PTPRG: variants seen among roughly 807,000 people sequenced by gnomAD.
PTPRG encodes the protein protein tyrosine phosphatase receptor type G.
Under a neutral mutation model 165.3 loss-of-function variants are expected in PTPRG, and 102 were observed. The observed-to-expected ratio is 0.62, with a 90% CI of 0.53 to 0.73. The LOEUF is 0.73. PTPRG is among the 30% of genes least tolerant of loss of function. The pLI is 0.00. For synonymous variants in PTPRG, 675 were observed against 669.5 expected, an observed-to-expected ratio of 1.01 and a Z score of -0.13; for missense variants, 1,866 against 1,861.4, an observed-to-expected ratio of 1.00 and a Z score of -0.05.
At chr3:61,854,117 T>G (rs544393243) in intron 2 of PTPRG, among the ~76,000 whole-genome samples, 3 of 152,250 alleles carry the variant, frequency 2.0e-5, no homozygotes, top group Non-Finnish European at 2.9e-5. Flanking sequence ...AGCAAGAGAA[T>G]GAGATCTCTT....
At chr3:61,613,429 C>T (rs2106878234) in intron 1 of PTPRG, among the ~76,000 whole-genome samples, 1 of 152,280 alleles carries the variant, frequency 6.6e-6, no homozygotes, top group South Asian at 2.1e-4. Flanking sequence ...ACTGCTGTCA[C>T]AATTAAAGAA....
intron 2 of PTPRG, among the ~76,000 whole-genome samples, chr3:61,922,059 T>G (rs2039089871): frequency 6.6e-6 from 1 of 152,226 alleles, no homozygotes; most frequent in Non-Finnish European, 1.5e-5. Flanking sequence ...TTAGTCAACA[T>G]TTTGCAGCTT....
intron 4 of PTPRG, among the ~76,000 whole-genome samples, chr3:62,047,684 T>C (rs1161822120): frequency 6.6e-6 from 1 of 152,204 alleles, no homozygotes; most frequent in Non-Finnish European, 1.5e-5. Flanking sequence ...TAATACGCAT[T>C]TTCCCCTCTC....
In PTPRG at chr3:61,928,661, A is replaced by G. The variant is rs368556326; in HGVS notation, c.191-60964A>G. Among the ~76,000 whole-genome samples, 23 of 152,212 alleles carry G rather than the reference A, an allele frequency of 1.5e-4. No individual in the cohort carries two copies. The East Asian group carries it at 3.9e-3, about 26-fold the overall frequency. ...ATACTATGCTTTTAAGAAGACAAAA[A>G]CACTGGTTTGATTTTTTTTTCATTT... On this transcript the variant is annotated intron_variant, in intron 2 of 29. Coordinates refer to ENST00000474889, the MANE Select transcript of PTPRG (RefSeq NM_002841.4).
At chr3:62,192,266 C>T (rs1017829782) in intron 9 of PTPRG, among the ~76,000 whole-genome samples, 36 of 152,154 alleles carry the variant, frequency 2.4e-4, no homozygotes, top group African/African-American at 7.9e-4. Flanking sequence ...TTGGGCTACA[C>T]GTGCCTAATT....
In PTPRG at chr3:62,003,243, A is replaced by C; in HGVS notation, c.371-106A>C. The C allele has an allele frequency of 3.8e-6, 5 of 1,305,106 alleles. No homozygotes were observed. In the South Asian group the frequency reaches 5.7e-5, roughly 15 times the overall value. The allele number at this position is 1,305,106 out of a possible 1,614,324, so 80.8% of individuals were successfully genotyped here. On this transcript the variant is annotated intron_variant, in intron 3 of 29. Coordinates refer to ENST00000474889, the MANE Select transcript of PTPRG (RefSeq NM_002841.4). ...TATTTTTTCATAGGTACATGAGGAC[A>C]TAATTCATATCATGGTAATGGTGAA...
chr3:61,641,766 C>T (rs1333212435), intron 1 of PTPRG, among the ~76,000 whole-genome samples: 1 of 152,176 alleles, frequency 6.6e-6, no homozygotes, highest in Non-Finnish European at 1.5e-5. Context: ...GGGCCCAAAT[C>T]TAGAAGCACG....
At chr3:61,826,829 AG>A (rs1259072275) in intron 2 of PTPRG, among the ~76,000 whole-genome samples, 1 of 149,158 alleles carries the variant, frequency 6.7e-6, no homozygotes, top group Non-Finnish European at 1.5e-5. Flanking sequence ...AAAAATGGAA[AG>A]GTTTTTTTTT....
At chr3:61,815,936 T>G (rs1158112537) in intron 2 of PTPRG, among the ~76,000 whole-genome samples, 1 of 152,224 alleles carries the variant, frequency 6.6e-6, no homozygotes, top group Non-Finnish European at 1.5e-5. Context: ...GCTATTTTAT[T>G]TCCTAAAGTC....
intron 4 of PTPRG, among the ~76,000 whole-genome samples, chr3:62,022,431 C>T (rs1559751752): frequency 6.6e-6 from 1 of 152,136 alleles, no homozygotes; most frequent in East Asian, 1.9e-4. Flanking sequence ...GACTGGCAGA[C>T]ATAATGCTTG....
rs576697680 is a variant in PTPRG, at chr3:62,214,002, G to T, written c.2156-4849G>T. On this transcript the variant is annotated intron_variant, in intron 12 of 29. Transcript: ENST00000474889. The surrounding 1 kb of genome is among the most constrained non-coding windows in gnomAD (Gnocchi z 5.2). ...CCTTGAGCCCAGAAGTTCGAGACCA[G>T]CCTGGGCAACATATCAAGAAAGTGT... is the stretch of plus-strand genomic sequence containing the variant. 2.0e-5 allele frequency among the ~76,000 whole-genome samples: 3 copies of T among 152,248 alleles called. No individual in the cohort carries two copies. Among genetic ancestry groups the T allele is most frequent in the South Asian group, 4.1e-4 (2 of 4,822 alleles).
At chr3:61,575,997 G>T (rs1289478615) in intron 1 of PTPRG, among the ~76,000 whole-genome samples, 1 of 152,164 alleles carries the variant, frequency 6.6e-6, no homozygotes, top group African/African-American at 2.4e-5. Context: ...GCCTAAACAC[G>T]CTCTCAACGA....
chr3:61,709,424 C>T (rs1005438527), intron 1 of PTPRG, among the ~76,000 whole-genome samples: 1 of 152,144 alleles, frequency 6.6e-6, no homozygotes, highest in African/African-American at 2.4e-5. Flanking sequence ...AAGTGGTTCT[C>T]CTGCCTCACC....
chr3:61,563,052 C>G (rs115788231), intron 1 of PTPRG, among the ~76,000 whole-genome samples: 7,757 of 151,886 alleles, frequency 0.051, 230 homozygotes, highest in South Asian at 0.069. Context: ...CGGAGAGATC[C>G]GTGTCTCCCC....
intron 2 of PTPRG, among the ~76,000 whole-genome samples, chr3:61,816,111 A>G (rs189571320): frequency 1.2e-4 from 18 of 152,288 alleles, no homozygotes; most frequent in African/African-American, 4.3e-4. Context: ...TCAAGCTCCT[A>G]CATTTACCTG....
chr3:61,725,931 C>A (rs184959900), intron 1 of PTPRG, among the ~76,000 whole-genome samples: 1 of 152,130 alleles, frequency 6.6e-6, no homozygotes, highest in African/African-American at 2.4e-5. Flanking sequence ...TCTGATCCTT[C>A]GGTCCTATCT....
intron 5 of PTPRG, among the ~76,000 whole-genome samples, chr3:62,092,680 G>C (rs961003467): frequency 6.6e-6 from 1 of 152,188 alleles, no homozygotes. Flanking sequence ...TGGAAAATAG[G>C]ACCAGTAATA....
At chr3:61,851,902 C>T (rs1270286820) in intron 2 of PTPRG, among the ~76,000 whole-genome samples, 12 of 152,152 alleles carry the variant, frequency 7.9e-5, no homozygotes, top group South Asian at 6.2e-4. Context: ...ATTGGAGTCA[C>T]GTAATTTTCC....
chr3:61,596,419 G>A (rs535524506), intron 1 of PTPRG, among the ~76,000 whole-genome samples: 28 of 147,246 alleles, frequency 1.9e-4, no homozygotes, highest in Middle Eastern at 3.5e-3. Context: ...TCAAAACACA[G>A]AATCTGTTTC....
Sources: allele counts gnomAD v4.1 joint callset (sites outside exome capture counted in the v4.1 genomes callset), GRCh38; gene constraint gnomAD v4.1.1; non-coding constraint Gnocchi (gnomAD v3.1); transcripts MANE v1.5; gene names NCBI Gene and HGNC (gene_info 2026-07-23, HGNC 2026-07-21).